The following AUTS2 variants were observed in gnomAD, a reference collection of about 807,000 sequenced individuals.
AUTS2 encodes activator of transcription and developmental regulator AUTS2, also known as autism susceptibility gene 2 protein.
Under a neutral mutation model 112.4 loss-of-function variants are expected in AUTS2, and 17 were observed. The observed-to-expected ratio is 0.15, with a 90% CI of 0.10 to 0.23. The LOEUF is 0.23. Ranked by LOEUF, AUTS2 falls within the 10% of genes least tolerant of loss-of-function variation. The pLI is 1.00. For synonymous variants in AUTS2, 751 were observed against 702.7 expected, an observed-to-expected ratio of 1.07 and a Z score of -1.09; for missense variants, 1,510 against 1,701.6, an observed-to-expected ratio of 0.89 and a Z score of 1.98.
At chr7:69,654,935 T>C (rs976496141) in intron 1 of AUTS2, among the ~76,000 whole-genome samples, 2 of 152,174 alleles carry the variant, frequency 1.3e-5, no homozygotes, top group Admixed American at 1.3e-4. Flanking sequence ...CTATAAGTGC[T>C]CTTGCTTTGT....
At chr7:70,256,880 G>A (rs1435639551) in intron 4 of AUTS2, among the ~76,000 whole-genome samples, 1 of 150,340 alleles carries the variant, frequency 6.7e-6, no homozygotes, top group African/African-American at 2.5e-5. Flanking sequence ...TAGAGCTAAG[G>A]GAAGGAGAAT....
At chr7:70,266,383 C>A (rs899955276) in intron 4 of AUTS2, among the ~76,000 whole-genome samples, 1 of 152,028 alleles carries the variant, frequency 6.6e-6, no homozygotes, top group Non-Finnish European at 1.5e-5. Flanking sequence ...GGAGTGATTG[C>A]TTAATGGGTA....
At chr7:70,711,929 T>C (rs1446053786) in intron 6 of AUTS2, among the ~76,000 whole-genome samples, 2 of 152,186 alleles carry the variant, frequency 1.3e-5, no homozygotes, top group Non-Finnish European at 2.9e-5. Flanking sequence ...GTTACCTCTT[T>C]GGAGTTCATC....
At chr7:69,895,336 G>C (rs1461920932) in intron 1 of AUTS2, among the ~76,000 whole-genome samples, 2 of 152,132 alleles carry the variant, frequency 1.3e-5, no homozygotes, top group African/African-American at 4.8e-5. Context: ...AATGAACAAA[G>C]AGTGGTCTGG....
At chr7:69,646,538 G>C (rs1473854570) in intron 1 of AUTS2, among the ~76,000 whole-genome samples, 3 of 152,218 alleles carry the variant, frequency 2.0e-5, no homozygotes, top group African/African-American at 7.2e-5. Context: ...CCAAATATTA[G>C]CTCTTTGCAA....
At chr7:70,395,859 A>G (rs762280664) in intron 4 of AUTS2, among the ~76,000 whole-genome samples, 13 of 152,210 alleles carry the variant, frequency 8.5e-5, no homozygotes, top group Non-Finnish European at 1.3e-4. Flanking sequence ...TCTGAACATC[A>G]TGTTAGGTAA....
At chr7:70,700,566 C>T (rs547451705) in intron 6 of AUTS2, among the ~76,000 whole-genome samples, 122 of 151,942 alleles carry the variant, frequency 8.0e-4, no homozygotes, top group Admixed American at 4.3e-3. Context: ...ACTGGTATCC[C>T]GCACCCCCTT....
intron 5 of AUTS2, among the ~76,000 whole-genome samples, chr7:70,658,425 G>A (rs1162821816): frequency 6.6e-6 from 1 of 152,218 alleles, no homozygotes; most frequent in Non-Finnish European, 1.5e-5. Context: ...TGCCACCTAC[G>A]AGAGCCTTTG....
At chr7:69,728,551 A>G (rs1312596224) in intron 1 of AUTS2, among the ~76,000 whole-genome samples, 1 of 152,170 alleles carries the variant, frequency 6.6e-6, no homozygotes, top group African/African-American at 2.4e-5. Context: ...TCCCAAGGGT[A>G]GGTAGTTCAG....
At chr7:69,715,249 A>G (rs1798548529) in intron 1 of AUTS2, among the ~76,000 whole-genome samples, 1 of 146,888 alleles carries the variant, frequency 6.8e-6, no homozygotes, top group Non-Finnish European at 1.5e-5. Context: ...AAAAAAAAGG[A>G]AAAAGTGATT....
intron 4 of AUTS2, among the ~76,000 whole-genome samples, chr7:70,257,959 G>A (rs985186326): frequency 5.3e-5 from 8 of 152,298 alleles, no homozygotes; most frequent in Admixed American, 4.6e-4. Context: ...ACTCCTGGCC[G>A]ACATGAGCAT....
chr7:70,278,419 C>T (rs144671407), intron 4 of AUTS2, among the ~76,000 whole-genome samples: 31 of 152,058 alleles, frequency 2.0e-4, no homozygotes, highest in Non-Finnish European at 3.7e-4. Flanking sequence ...TTCATCTCTA[C>T]GAAAAGTACA....
Position 69,737,871 on chromosome 7 carries a change from A to G in AUTS2, c.309+137909A>G, listed in dbSNP as rs78665617. ...TCATTGACAGTGCATTGCTAATTGCATTGAGAGAACATCCTAACTGGGTAT... is the reference window on the plus strand; with the variant it reads ...TCATTGACAGTGCATTGCTAATTGCGTTGAGAGAACATCCTAACTGGGTAT... On this transcript the variant is annotated intron_variant, in intron 1 of 18. Coordinates refer to ENST00000342771, the MANE Select transcript of AUTS2 (RefSeq NM_015570.4). Among the ~76,000 whole-genome samples, 939 of 152,322 alleles carry G rather than the reference A, an allele frequency of 6.2e-3. 7 individuals are homozygous for G. Among genetic ancestry groups the G allele is most frequent in the African/African-American group, 0.021 (874 of 41,568 alleles).
intron 4 of AUTS2, among the ~76,000 whole-genome samples, chr7:70,264,729 G>A (rs1301170561): frequency 1.3e-5 from 2 of 152,126 alleles, no homozygotes; most frequent in Non-Finnish European, 2.9e-5. Flanking sequence ...CTTGAAGAAT[G>A]GATAGTTTTA....
intron 4 of AUTS2, among the ~76,000 whole-genome samples, chr7:70,322,365 G>A (rs542049567): frequency 6.6e-6 from 1 of 152,234 alleles, no homozygotes; most frequent in Non-Finnish European, 1.5e-5. Context: ...ATTCTTTACT[G>A]TCAAAAAGGG....
Position 70,649,661 on chromosome 7 carries a change from C to T in AUTS2, c.691-48908C>T, listed in dbSNP as rs368360832. On this transcript the variant is annotated intron_variant, in intron 5 of 18. Transcript: ENST00000342771. ...TTCTTGCCTCAGCCTCCCAAGCAGC[C>T]AGGATTACAGGTGCCCACCACCATG... Among the ~76,000 whole-genome samples, 122 of 152,076 alleles carry T rather than the reference C, an allele frequency of 8.0e-4. No individual in the cohort carries two copies. The East Asian group carries it at 0.022, about 28-fold the overall frequency.
chr7:69,618,169 A>AAATAGGAGGCC (rs1793476805), intron 1 of AUTS2, among the ~76,000 whole-genome samples: 1 of 152,326 alleles, frequency 6.6e-6, no homozygotes, highest in Admixed American at 6.5e-5. Flanking sequence ...CAGGGCCTGC[A>AAATAGGAGGCC]CTGAGCCTCT....
At chr7:69,722,378 A>ATTTTTTTTTTTTTTTTTTTTTTTT (rs34149543) in intron 1 of AUTS2, among the ~76,000 whole-genome samples, 1 of 142,712 alleles carries the variant, frequency 7.0e-6, no homozygotes, top group Non-Finnish European at 1.5e-5. Flanking sequence ...CTTATTCTAC[A>ATTTTTTTTTTTTTTTTTTTTTTTT]TTTTTTTTTT....
intron 1 of AUTS2, among the ~76,000 whole-genome samples, chr7:69,824,845 C>T (rs1791170936): frequency 6.6e-6 from 1 of 152,168 alleles, no homozygotes; most frequent in Non-Finnish European, 1.5e-5. Flanking sequence ...ATTTCCTGAT[C>T]TGCTTTGGCT....
Sources: allele counts gnomAD v4.1 joint callset (sites outside exome capture counted in the v4.1 genomes callset), GRCh38; gene constraint gnomAD v4.1.1; transcripts MANE v1.5; gene names NCBI Gene and HGNC (gene_info 2026-07-23, HGNC 2026-07-21).